Variants in CRPPA observed in about 807,000 individuals in gnomAD.
CRPPA encodes D-ribitol-5-phosphate cytidylyltransferase.
CRPPA carries 43 observed loss-of-function variants against 52.0 expected under a neutral mutation model. That is an observed-to-expected ratio of 0.83 (90% CI 0.65 to 1.07). The LOEUF is 1.07. Ranked by LOEUF, CRPPA falls within the 50% of genes least tolerant of loss-of-function variation. The pLI is 0.00. For missense variants in CRPPA, 629 were observed against 551.7 expected (o/e 1.14, Z -1.40); for synonymous variants, 250 against 203.5 (o/e 1.23, Z -1.94).
intron 9 of CRPPA, among the ~76,000 whole-genome samples, chr7:16,098,564 T>C (rs748455587): frequency 3.9e-5 from 6 of 152,310 alleles, no homozygotes; most frequent in Non-Finnish European, 8.8e-5. Context: ...TAAACAAAAA[T>C]GTACTAGCTA....
intron 3 of CRPPA, among the ~76,000 whole-genome samples, chr7:16,374,652 C>T (rs1472604036): frequency 6.6e-6 from 1 of 152,136 alleles, no homozygotes. Context: ...TCTTTCTTCA[C>T]CTACTCTTTC....
intron 2 of CRPPA, among the ~76,000 whole-genome samples, chr7:16,388,241 G>A (rs1787344928): frequency 6.6e-6 from 1 of 152,048 alleles, no homozygotes; most frequent in South Asian, 2.1e-4. Context: ...GTCCCCAAGT[G>A]GGCATGGAGC....
At chr7:16,343,824 G>A (rs536079035) in intron 3 of CRPPA, among the ~76,000 whole-genome samples, 29 of 152,144 alleles carry the variant, frequency 1.9e-4, no homozygotes, top group Non-Finnish European at 3.5e-4. Flanking sequence ...GGATGACCAC[G>A]TGTCTCTGCA....
chr7:16,186,011 A>G (rs566491325), intron 9 of CRPPA, among the ~76,000 whole-genome samples: 10 of 152,338 alleles, frequency 6.6e-5, no homozygotes, highest in Middle Eastern at 3.4e-3. Flanking sequence ...TATAGCAGCT[A>G]AAATAAATGA....
intron 4 of CRPPA, among the ~76,000 whole-genome samples, chr7:16,302,428 G>A (rs1583503434): frequency 6.6e-6 from 1 of 151,962 alleles, no homozygotes; most frequent in Admixed American, 6.6e-5. Flanking sequence ...AGTGAGCTCA[G>A]GTACAGAAAA....
At chr7:16,146,256 C>T (rs984265429) in intron 9 of CRPPA, among the ~76,000 whole-genome samples, 3 of 150,920 alleles carry the variant, frequency 2.0e-5, no homozygotes, top group African/African-American at 4.9e-5. Flanking sequence ...GCAAAGCTGT[C>T]ATTCGAGAGT....
intron 3 of CRPPA, among the ~76,000 whole-genome samples, chr7:16,349,127 C>G (rs933495849): frequency 2.0e-5 from 3 of 152,166 alleles, no homozygotes; most frequent in African/African-American, 7.2e-5. Flanking sequence ...ATAGAAGAAA[C>G]TAGAAGACCA....
chr7:16,118,854 C>G (rs1183176738), intron 9 of CRPPA, among the ~76,000 whole-genome samples: 1 of 152,100 alleles, frequency 6.6e-6, no homozygotes, highest in African/African-American at 2.4e-5. Flanking sequence ...ATTATTCTAA[C>G]CTAAAGACCT....
chr7:16,147,109 G>T (rs1358610642), intron 9 of CRPPA, among the ~76,000 whole-genome samples: 2 of 152,164 alleles, frequency 1.3e-5, no homozygotes, highest in East Asian at 3.9e-4. Context: ...TTGCCTGCCT[G>T]CTGCCATGTA....
chr7:16,286,097 A>AAATATATATATATATATATAT, intron 5 of CRPPA, among the ~76,000 whole-genome samples: 3 of 39,114 alleles, frequency 7.7e-5, no homozygotes, highest in African/African-American at 3.7e-4. Context: ...TAAAAAAAAA[A>AAATATATATATATATATATAT]ATATATATAT....
chr7:16,158,763 C>A (rs1182145811), intron 9 of CRPPA, among the ~76,000 whole-genome samples: 2 of 152,144 alleles, frequency 1.3e-5, no homozygotes, highest in Non-Finnish European at 1.5e-5. Flanking sequence ...TGTTAGCTAT[C>A]AGCTAAAGAC....
chr7:16,278,886 T>C (rs1453347845), intron 5 of CRPPA, among the ~76,000 whole-genome samples: 1 of 152,218 alleles, frequency 6.6e-6, no homozygotes, highest in Non-Finnish European at 1.5e-5. Context: ...AGTCCTCCTC[T>C]ATAGCAGGCA....
At chr7:16,175,557 G>C (rs1325891695) in intron 9 of CRPPA, among the ~76,000 whole-genome samples, 1 of 151,926 alleles carries the variant, frequency 6.6e-6, no homozygotes, top group Admixed American at 6.6e-5. Context: ...ACCACTGAAG[G>C]GCCAGAGAAC....
rs57952773 is a variant in CRPPA, at chr7:16,215,192, T to C, written c.1251+874A>G. On this transcript the variant is annotated intron_variant, in intron 9 of 9. Transcript: ENST00000407010. ...TTTGCCACCCACAAATAAGTTTAAA[T>C]ACCTGTCATTCACTGGACATTCAGT... Among the ~76,000 whole-genome samples the C allele has an allele frequency of 3.3e-3, 498 of 152,318 alleles. 2 individuals carry two copies. The highest frequency in any genetic ancestry group is 0.011 in the African/African-American group (472 of 41,564).
At chr7:16,382,167 G>T (rs1489103741) in intron 2 of CRPPA, among the ~76,000 whole-genome samples, 1 of 152,058 alleles carries the variant, frequency 6.6e-6, no homozygotes, top group Non-Finnish European at 1.5e-5. Flanking sequence ...TCCTTCAGGA[G>T]CTCTTTTAGG....
chr7:16,368,040 GT>G (rs1378632109), intron 3 of CRPPA, among the ~76,000 whole-genome samples: 2 of 152,058 alleles, frequency 1.3e-5, no homozygotes, highest in Non-Finnish European at 2.9e-5. Context: ...CAAAAACCTT[GT>G]GTTAGAATCA....
chr7:16,251,818 C>G (rs1291462318), intron 8 of CRPPA, among the ~76,000 whole-genome samples: 1 of 152,030 alleles, frequency 6.6e-6, no homozygotes, highest in African/African-American at 2.4e-5. Context: ...ATGAAAAGAA[C>G]TAGAGGAGCA....
intron 2 of CRPPA, among the ~76,000 whole-genome samples, chr7:16,381,725 G>C (rs1189153890): frequency 6.6e-6 from 1 of 151,874 alleles, no homozygotes; most frequent in African/African-American, 2.4e-5. Context: ...TAGTTGAATT[G>C]ATCCCTTTAC....
At chr7:16,223,196 C>A (rs1583444124) in intron 8 of CRPPA, among the ~76,000 whole-genome samples, 1 of 152,230 alleles carries the variant, frequency 6.6e-6, no homozygotes, top group Middle Eastern at 3.4e-3. Flanking sequence ...CACATGCCAG[C>A]TGGACTAAGG....
Sources: gnomAD v4.1 joint callset for allele counts (sites outside exome capture counted in the v4.1 genomes callset) on GRCh38, gnomAD v4.1.1 for gene constraint, MANE v1.5 for transcripts, NCBI Gene and HGNC (gene_info 2026-07-23, HGNC 2026-07-21) for gene names.